Variants in KCNJ3 observed in about 807,000 individuals in gnomAD.
KCNJ3 encodes the protein potassium inwardly rectifying channel subfamily J member 3, also known as G protein-activated inward rectifier potassium channel 1.
A neutral mutation model predicts 39.2 loss-of-function variants in KCNJ3; 4 were observed. The observed-to-expected ratio is 0.10, with a 90% CI of 0.05 to 0.23. KCNJ3 has a LOEUF of 0.23. KCNJ3 is among the 10% of genes least tolerant of loss of function. The probability of loss-of-function intolerance (pLI) is 1.00; values close to 1 mark genes in which losing one functional copy is unlikely to be tolerated. For synonymous variants in KCNJ3, 230 were observed against 237.4 expected (o/e 0.97, Z 0.29); for missense variants, 276 against 634.9 (o/e 0.43, Z 6.08).
At chr2:154,829,501 G>A (rs2105117772) in intron 2 of KCNJ3, among the ~76,000 whole-genome samples, 1 of 152,234 alleles carries the variant, frequency 6.6e-6, no homozygotes, top group African/African-American at 2.4e-5. Context: ...TGATGTATAT[G>A]TATCACACTT....
intron 2 of KCNJ3, among the ~76,000 whole-genome samples, chr2:154,797,351 A>C (rs1005981639): frequency 6.6e-6 from 1 of 152,184 alleles, no homozygotes; most frequent in Non-Finnish European, 1.5e-5. Flanking sequence ...ACTATGATAC[A>C]TGCACAAATA....
intron 2 of KCNJ3, among the ~76,000 whole-genome samples, chr2:154,728,855 AT>A (rs944472400): frequency 5.3e-5 from 8 of 151,716 alleles, no homozygotes; most frequent in East Asian, 3.9e-4. Flanking sequence ...TACCGGTCTT[AT>A]TTTTTTTAGT....
At position 154,856,868 on chromosome 2, in the gene KCNJ3, A is replaced by G. The variant is rs1687848924; in HGVS notation, c.*1555A>G. The G allele has an allele frequency of 6.6e-6, 1 of 152,202 alleles. No individual in the cohort carries two copies. Among genetic ancestry groups the G allele is most frequent in the Admixed American group, 6.6e-5 (1 of 15,264 alleles). 9.4% of individuals were successfully genotyped at this position (152,202 alleles called of 1,614,324 possible). On this transcript the variant is annotated 3_prime_UTR_variant, in exon 3 of 3. Coordinates refer to ENST00000295101, the MANE Select transcript of KCNJ3 (RefSeq NM_002239.4). ...AACAGAATATCATGGGTTTTCCTAT[A>G]AAACTTCTTTAAGTATTGTAATTCC...
At chr2:154,765,605 C>T (rs781435143) in intron 2 of KCNJ3, among the ~76,000 whole-genome samples, 49 of 152,054 alleles carry the variant, frequency 3.2e-4, no homozygotes, top group Admixed American at 2.4e-3. Context: ...TTGAAACTAG[C>T]GAATATTTGC....
At chr2:154,799,055 A>G (rs1440416667) in intron 2 of KCNJ3, among the ~76,000 whole-genome samples, 3 of 151,990 alleles carry the variant, frequency 2.0e-5, no homozygotes, top group Non-Finnish European at 4.4e-5. Flanking sequence ...TAGATGGTAG[A>G]TCTGTGAGAA....
chr2:154,803,798 T>C (rs1213191406), intron 2 of KCNJ3, among the ~76,000 whole-genome samples: 1 of 152,054 alleles, frequency 6.6e-6, no homozygotes, highest in African/African-American at 2.4e-5. Context: ...TCAAGATTAA[T>C]GCTGAATTTG....
Position 154,735,177 on chromosome 2 carries a change from C to T in KCNJ3, c.919+25358C>T, listed in dbSNP as rs865985898. Among the ~76,000 whole-genome samples the T allele has an allele frequency of 4.4e-4, 67 of 152,136 alleles. 1 individual carries two copies. Among genetic ancestry groups the T allele is most frequent in the African/African-American group, 1.5e-3 (62 of 41,506 alleles). ...TCTCGGCTCACTGCAAGCTCCGCCT[C>T]CCAGGTTCACACCATTCTCCTGCCT... On this transcript the variant is annotated intron_variant, in intron 2 of 2. Coordinates refer to ENST00000295101, the MANE Select transcript of KCNJ3 (RefSeq NM_002239.4).
Position 154,699,533 on chromosome 2 carries a change from AGT to A in KCNJ3, c.702+57_702+58del, listed in dbSNP as rs1684849391. The A allele has an allele frequency of 6.7e-7, 1 of 1,500,418 alleles. No individual in the cohort carries two copies. The highest frequency in any genetic ancestry group is 1.3e-5 in the South Asian group (1 of 78,000). 92.9% of individuals were successfully genotyped at this position (1,500,418 alleles called of 1,614,324 possible). A position where few individuals can be genotyped will look rare whatever the true frequency, so the allele number is the denominator to read the frequency against. On this transcript the variant is annotated intron_variant, in intron 1 of 2. Transcript: ENST00000295101. This position sits in a 1 kb window ranked among gnomAD's most constrained non-coding sequence, Gnocchi z 6.4. The stretch of plus-strand genomic sequence containing the variant: ...AGACCTGCGTCCCCCAAACCCGCGG[AGT>A]AACTCGTCTGAGAACCAGCCCGGGC...
chr2:154,799,134 T>G (rs911358744), intron 2 of KCNJ3, among the ~76,000 whole-genome samples: 1 of 152,128 alleles, frequency 6.6e-6, no homozygotes, highest in Admixed American at 6.5e-5. Context: ...GTTTTTTGTT[T>G]GTTTGTTTTT....
In KCNJ3 at chr2:154,840,464, C is replaced by T. The variant is rs543192649; in HGVS notation, c.920-14263C>T. On this transcript the variant is annotated intron_variant, in intron 2 of 2. Transcript: ENST00000295101. ...ATATGAACTTTAAAGTAGTTTTTTC[C>T]AATTCTGTGAAGTCATTGGTAGCTT... Among the ~76,000 whole-genome samples, 528 of 152,152 alleles carry T rather than the reference C, an allele frequency of 3.5e-3. 2 individuals carry two copies. Among genetic ancestry groups the T allele is most frequent in the Middle Eastern group, 6.8e-3 (2 of 294 alleles).
At chr2:154,756,899 A>G (rs1194663125) in intron 2 of KCNJ3, among the ~76,000 whole-genome samples, 2 of 152,122 alleles carry the variant, frequency 1.3e-5, no homozygotes, top group African/African-American at 4.8e-5. Flanking sequence ...GAAAGAGCAT[A>G]AGATATATGT....
intron 2 of KCNJ3, among the ~76,000 whole-genome samples, chr2:154,812,904 A>G (rs1344175365): frequency 6.6e-6 from 1 of 152,186 alleles, no homozygotes; most frequent in Non-Finnish European, 1.5e-5. Context: ...ATCGTAAGTA[A>G]GATTTATTGA....
At chr2:154,708,292 G>A (rs914991281) in intron 1 of KCNJ3, among the ~76,000 whole-genome samples, 1 of 152,036 alleles carries the variant, frequency 6.6e-6, no homozygotes, top group African/African-American at 2.4e-5. Context: ...AAGCACCACC[G>A]ATTTGGAACC....
At chr2:154,812,933 A>G (rs1687027535) in intron 2 of KCNJ3, among the ~76,000 whole-genome samples, 1 of 152,170 alleles carries the variant, frequency 6.6e-6, no homozygotes, top group African/African-American at 2.4e-5. Flanking sequence ...TGTATATCTT[A>G]TATAGTATAT....
intron 2 of KCNJ3, among the ~76,000 whole-genome samples, chr2:154,718,053 G>A (rs910037076): frequency 1.1e-4 from 17 of 152,100 alleles, no homozygotes; most frequent in African/African-American, 3.4e-4. Flanking sequence ...CGCCCAGATT[G>A]CTGATTCCTT....
chr2:154,750,501 A>T (rs1685821934), intron 2 of KCNJ3, among the ~76,000 whole-genome samples: 1 of 152,026 alleles, frequency 6.6e-6, no homozygotes, highest in African/African-American at 2.4e-5. Flanking sequence ...TAACTTCTAT[A>T]AATTCTTATC....
chr2:154,753,053 T>A (rs1992700), intron 2 of KCNJ3, among the ~76,000 whole-genome samples: 79,575 of 151,906 alleles, frequency 0.52, 21,573 homozygotes, highest in East Asian at 0.98. Flanking sequence ...TTGACCTCAG[T>A]TGAAGCCTCT....
At chr2:154,774,359 T>C (rs1044918807) in intron 2 of KCNJ3, among the ~76,000 whole-genome samples, 1 of 149,984 alleles carries the variant, frequency 6.7e-6, no homozygotes, top group Non-Finnish European at 1.5e-5. Flanking sequence ...AAAGTTATGC[T>C]CATTTACCTT....
intron 2 of KCNJ3, among the ~76,000 whole-genome samples, chr2:154,821,084 A>G (rs771785985): frequency 1.1e-4 from 17 of 152,188 alleles, no homozygotes; most frequent in Admixed American, 2.0e-4. Flanking sequence ...TTCCATGCTC[A>G]AATTCCTTGT....
Sources: gnomAD v4.1 joint callset for allele counts (sites outside exome capture counted in the v4.1 genomes callset) on GRCh38, gnomAD v4.1.1 for gene constraint, Gnocchi (gnomAD v3.1) non-coding constraint, MANE v1.5 for transcripts, NCBI Gene and HGNC (gene_info 2026-07-23, HGNC 2026-07-21) for gene names.